Variants in DIS3L observed in about 807,000 individuals in gnomAD.
DIS3L encodes DIS3-like exonuclease 1.
DIS3L carries 100 observed loss-of-function variants against 120.3 expected under a neutral mutation model. The ratio of observed to expected loss-of-function variants is 0.83; its 90% CI spans 0.71 to 0.98. The LOEUF (loss-of-function observed/expected upper bound fraction) is 0.98. Ranked by LOEUF, DIS3L falls within the 50% of genes least tolerant of loss-of-function variation. The pLI is 0.00. For synonymous variants in DIS3L, 426 were observed against 470.6 expected (o/e 0.91, Z 1.23); for missense variants, 1,196 against 1,314.2 (o/e 0.91, Z 1.39).
chr15:66,324,434 A>G (rs138321183), intron 11 of DIS3L, among the ~76,000 whole-genome samples: 23 of 152,252 alleles, frequency 1.5e-4, no homozygotes, highest in African/African-American at 5.3e-4. Context: ...TGGCCACCCA[A>G]AAAGCTGGGA....
At chr15:66,324,267 G>A (rs1368813811) in intron 11 of DIS3L, among the ~76,000 whole-genome samples, 1 of 152,148 alleles carries the variant, frequency 6.6e-6, no homozygotes, top group Admixed American at 6.5e-5. Context: ...AATTTGGATA[G>A]TTTCCAATCT....
At chr15:66,305,268 G>C (rs967175118) in intron 2 of DIS3L, among the ~76,000 whole-genome samples, 1 of 151,692 alleles carries the variant, frequency 6.6e-6, no homozygotes, top group African/African-American at 2.4e-5. Flanking sequence ...CAAAGTGCTG[G>C]GATTACATGT....
At position 66,311,750 on chromosome 15, in the gene DIS3L, T is replaced by G. The variant is rs2092763632; in HGVS notation, c.585T>G (p.Asp195Glu). The G allele has an allele frequency of 1.2e-6, 2 of 1,614,002 alleles. No homozygotes were observed. The highest frequency in any genetic ancestry group is 2.7e-5 in the African/African-American group (2 of 74,924). ...ATTACCTGGACAATTTCTGGCCTGATTTAAAAGCTGCCCACGAGCTTTGTG... is the reference window on the plus strand; with the variant it reads ...ATTACCTGGACAATTTCTGGCCTGAGTTAAAAGCTGCCCACGAGCTTTGTG... The part of the protein sequence containing the change: ...FKNYLDNFWP[D>E]LKAAHELCDS... Residue 195 changes from aspartate (D) to glutamate (E), a missense_variant, in exon 5 of 17, where the codon GAT (aspartate) becomes GAG (glutamate). By Grantham distance (45) the Asp-to-Glu change is conservative. Transcript: ENST00000319212.
At chr15:66,324,690 GC>G (rs2140397873) in intron 11 of DIS3L, among the ~76,000 whole-genome samples, 1 of 152,076 alleles carries the variant, frequency 6.6e-6, no homozygotes, top group African/African-American at 2.4e-5. Context: ...TTTTATCTTT[GC>G]CAATTTGATA....
At chr15:66,331,222 G>A (rs1191397617) in intron 14 of DIS3L, among the ~76,000 whole-genome samples, 1 of 152,006 alleles carries the variant, frequency 6.6e-6, no homozygotes, top group African/African-American at 2.4e-5. Flanking sequence ...TGCTAATTTA[G>A]ACTTCCACCA....
Position 66,329,057 on chromosome 15 carries a change from G to A in DIS3L, c.2289G>A (p.Thr763=), listed in dbSNP as rs767485665. The change falls in exon 13 of 17, where the codon ACG becomes ACA. Residue 763 remains threonine (T), a synonymous_variant. Transcript: ENST00000319212. ...IVNRLLRSMA[T]QAMSNALYFS... is the part of the protein sequence containing the mutation. ...ACAGGCTACTGCGCTCCATGGCCAC[G>A]CAGGCCATGTCGAATGCTCTGTACT... 16 of 1,614,082 alleles carry A rather than the reference G, an allele frequency of 9.9e-6. No individual in the cohort carries two copies. The highest frequency in any genetic ancestry group is 1.7e-5 in the Admixed American group (1 of 60,000).
intron 2 of DIS3L, among the ~76,000 whole-genome samples, chr15:66,297,444 T>A (rs190629200): frequency 2.0e-3 from 309 of 152,324 alleles, no homozygotes; most frequent in African/African-American, 5.9e-3. Flanking sequence ...AACTTATTTT[T>A]AAAAATCATA....
In DIS3L at chr15:66,329,244, CACTTT is replaced by C. The variant is rs752252224; in HGVS notation, c.2385_2389del (p.Thr796SerfsTer22). The C allele has an allele frequency of 5.6e-6, 9 of 1,606,432 alleles. No individual in the cohort carries two copies. Among genetic ancestry groups the C allele is most frequent in the Admixed American group, 3.4e-5 (2 of 58,616 alleles). ...AGGTCTTGCATTAGATAAATATACC[CACTTT>C]ACTTCTCCAATAAGAAGATATTCAG... On this transcript the variant is annotated frameshift_variant, in exon 14 of 17. Transcript: ENST00000319212. LOFTEE classifies it high-confidence loss of function.
chr15:66,329,216 T>A lies in DIS3L; in HGVS notation c.2357-5T>A. 6.3e-7 allele frequency: 1 copy of A among 1,587,116 alleles called. No homozygotes were observed. Among genetic ancestry groups the A allele is most frequent in the South Asian group, 1.2e-5 (1 of 86,626 alleles). On this transcript the variant is annotated splice_polypyrimidine_tract_variant and splice_region_variant and intron_variant, in intron 13 of 16. Transcript: ENST00000319212. The stretch of plus-strand genomic sequence containing the variant: ...TTATTTTGATCTTTTGCTTTCTTTT[T>A]GAAGGTCTTGCATTAGATAAATATA...
In DIS3L at chr15:66,294,772, A is replaced by C. The variant is rs1249801871; in HGVS notation, c.140-216A>C. 2.0e-5 allele frequency among the ~76,000 whole-genome samples: 3 copies of C among 152,186 alleles called. No homozygotes were observed. In the East Asian group the frequency reaches 5.8e-4, roughly 29 times the overall value. On this transcript the variant is annotated intron_variant, in intron 1 of 16. Transcript: ENST00000319212. ...CTCCGGCACCTCTGGCAACACCATA[A>C]ACCACGTTGAGCTTGTATTTATCAC...
At position 66,333,275 on chromosome 15, in the gene DIS3L, T is replaced by C; in HGVS notation, c.3128T>C (p.Leu1043Pro). The C allele has an allele frequency of 6.2e-7, 1 of 1,610,560 alleles. No homozygotes were observed. Among genetic ancestry groups the C allele is most frequent in the South Asian group, 1.1e-5 (1 of 90,058 alleles). ...ACACTTCTAGAGGAGATACGGGACC[T>C]AGCTCTCCTGGATGTTTCAAACAAT... ...LYTLLEEIRD[L>P]ALLDVSNNYG... Residue 1043 changes from leucine to proline, a missense_variant, in exon 17 of 17, where the codon CTA becomes CCA. Transcript: ENST00000319212.
At chr15:66,317,218 A>C in intron 7 of DIS3L, among the ~76,000 whole-genome samples, 1 of 150,434 alleles carries the variant, frequency 6.6e-6, no homozygotes, top group Non-Finnish European at 1.5e-5. Flanking sequence ...TTCCACCCCC[A>C]CAGACACCCA....
In DIS3L at chr15:66,323,721, C is replaced by T; in HGVS notation, c.1667+136C>T. 9.8e-6 allele frequency: 8 copies of T among 813,678 alleles called. No homozygotes were observed. The South Asian group carries it at 1.1e-4, about 11-fold the overall frequency. 50.4% of individuals were successfully genotyped at this position (813,678 alleles called of 1,614,324 possible). A position where few individuals can be genotyped will look rare whatever the true frequency, so the allele number is the denominator to read the frequency against. ...TGTCTCCCCTCTGACCTCTCAACCTCACCCCCGACCCCAACCCCACACCAC... is the reference window on the plus strand; with the variant it reads ...TGTCTCCCCTCTGACCTCTCAACCTTACCCCCGACCCCAACCCCACACCAC... On this transcript the variant is annotated intron_variant, in intron 11 of 16. Coordinates refer to ENST00000319212, the MANE Select transcript of DIS3L (RefSeq NM_001143688.3).
intron 2 of DIS3L, among the ~76,000 whole-genome samples, chr15:66,301,804 CAG>C (rs141554040): frequency 0.069 from 10,549 of 152,240 alleles, 1,206 homozygotes; most frequent in African/African-American, 0.24. Context: ...CTGTCACACT[CAG>C]AGTGATTCGC....
At chr15:66,301,424 G>A (rs953600199) in intron 2 of DIS3L, among the ~76,000 whole-genome samples, 3 of 151,938 alleles carry the variant, frequency 2.0e-5, no homozygotes, top group Non-Finnish European at 2.9e-5. Context: ...GGGAATACAG[G>A]CACCCACCAT....
chr15:66,298,900 T>C (rs970887914), intron 2 of DIS3L, among the ~76,000 whole-genome samples: 9 of 152,210 alleles, frequency 5.9e-5, no homozygotes, highest in African/African-American at 1.9e-4. Flanking sequence ...GATGGAGTCC[T>C]GGCAGGGTGA....
At chr15:66,318,851 G>A (rs2140378606) in intron 8 of DIS3L, among the ~76,000 whole-genome samples, 1 of 152,182 alleles carries the variant, frequency 6.6e-6, no homozygotes, top group African/African-American at 2.4e-5. Context: ...GGAGTGTAGT[G>A]GCGTGATCTC....
chr15:66,326,217 T>A lies in DIS3L; in HGVS notation c.2054T>A (p.Met685Lys), dbSNP rs1177220596. The A allele has an allele frequency of 3.7e-6, 6 of 1,614,242 alleles. No individual in the cohort carries two copies. Among genetic ancestry groups the A allele is most frequent in the Non-Finnish European group, 5.1e-6 (6 of 1,180,046 alleles). ...GTCCACGAGACAGTGGCTGAATGCA[T>A]GATCCTGGCCAACCACTGGGTCGCC... ...LEVHETVAEC[M>K]ILANHWVAKK... is the part of the protein sequence containing the mutation. Residue 685 changes from methionine (M) to lysine (K), a missense_variant, in exon 12 of 17, where the codon ATG becomes AAG. Coordinates refer to ENST00000319212, the MANE Select transcript of DIS3L (RefSeq NM_001143688.3).
In DIS3L at chr15:66,321,310, C is replaced by A. The variant is rs541345552; in HGVS notation, c.1326+578C>A. Among the ~76,000 whole-genome samples the A allele has an allele frequency of 5.3e-5, 8 of 152,322 alleles. No homozygotes were observed. The South Asian group carries it at 1.7e-3, about 32-fold the overall frequency. On this transcript the variant is annotated intron_variant, in intron 9 of 16. Transcript: ENST00000319212. The stretch of plus-strand genomic sequence containing the variant: ...TGACTATATTCATTGTGTGCACACA[C>A]TAATTTCTGTTCTGCTTCTTTCACT...
Sources: gnomAD v4.1 joint callset for allele counts (sites outside exome capture counted in the v4.1 genomes callset) on GRCh38, gnomAD v4.1.1 for gene constraint, MANE v1.5 for transcripts, NCBI Gene and HGNC (gene_info 2026-07-23, HGNC 2026-07-21) for gene names.